ZNF90: variants seen among roughly 807,000 people sequenced by gnomAD.
ZNF90 encodes the protein zinc finger protein HTF9.
In ZNF90, 11 loss-of-function variants were observed where a neutral mutation model predicts 12.0. The ratio of observed to expected loss-of-function variants is 0.92; its 90% CI spans 0.58 to 1.52. ZNF90 has a LOEUF of 1.52. ZNF90 is among the 40% of genes most tolerant of loss of function. The pLI, the probability that ZNF90 is intolerant of heterozygous loss-of-function variation, is 0.00. For missense variants in ZNF90, 765 were observed against 711.5 expected, an observed-to-expected ratio of 1.08 and a Z score of -0.86; for synonymous variants, 232 against 240.1, an observed-to-expected ratio of 0.97 and a Z score of 0.31.
intron 1 of ZNF90, among the ~76,000 whole-genome samples, chr19:20,091,970 T>C (rs1555702775): frequency 1.3e-5 from 2 of 152,120 alleles, no homozygotes; most frequent in African/African-American, 4.8e-5. Context: ...TGAGTGGTGA[T>C]TAGGCCTGGT....
intron 1 of ZNF90, among the ~76,000 whole-genome samples, chr19:20,080,784 G>A (rs2088814509): frequency 6.6e-6 from 1 of 152,240 alleles, no homozygotes; most frequent in Non-Finnish European, 1.5e-5. Flanking sequence ...GTGGGACTGA[G>A]CACTGAAACG....
chr19:20,105,350 C>T, intron 3 of ZNF90, 34 bp downstream of exon 3: 5 of 1,553,170 alleles, frequency 3.2e-6, no homozygotes, highest in Non-Finnish European at 3.5e-6. Context: ...CAACAGACAA[C>T]ACAGATAAGA....
intron 3 of ZNF90, among the ~76,000 whole-genome samples, chr19:20,108,233 G>A (rs990860520): frequency 5.9e-5 from 9 of 152,170 alleles, no homozygotes; most frequent in African/African-American, 1.9e-4. Flanking sequence ...GCCACAGAGT[G>A]CATGCCAATG....
chr19:20,079,035 C>T (rs968895447), intron 1 of ZNF90, among the ~76,000 whole-genome samples: 2 of 149,336 alleles, frequency 1.3e-5, no homozygotes, highest in African/African-American at 5.0e-5. Context: ...CCGAGAATTG[C>T]TTGAACTCGG....
chr19:20,100,959 A>G (rs1251135197), intron 1 of ZNF90, among the ~76,000 whole-genome samples: 2 of 152,134 alleles, frequency 1.3e-5, no homozygotes, highest in African/African-American at 2.4e-5. Context: ...TCGGGAGTGC[A>G]CAACCCCCTT....
intron 1 of ZNF90, among the ~76,000 whole-genome samples, chr19:20,085,523 G>A (rs1423340667): frequency 4.6e-5 from 7 of 151,626 alleles, no homozygotes; most frequent in Non-Finnish European, 8.8e-5. Flanking sequence ...GCCTCCCAAA[G>A]TGCTGGGATT....
chr19:20,118,329 T>C lies in ZNF90; in HGVS notation c.775T>C (p.Cys259Arg), dbSNP rs1263322563. 3.9e-6 allele frequency: 6 copies of C among 1,558,068 alleles called. No individual in the cohort carries two copies. Among genetic ancestry groups the C allele is most frequent in the Admixed American group, 1.9e-5 (1 of 51,408 alleles). The change falls in exon 4 of 4, where the codon TGT becomes CGT. Residue 259 changes from cysteine (C) to arginine (R), a missense_variant. Physicochemically the swap from Cys to Arg is radical, Grantham distance 180. Transcript: ENST00000418063. ...RIHTGEKRYKCEDCGKELKYS... is the reference protein window; with the variant it reads ...RIHTGEKRYKREDCGKELKYS... ...TCATACTGGAGAGAAACGGTACAAA[T>C]GTGAAGATTGTGGCAAAGAATTAAA...
Position 20,119,912 on chromosome 19 carries a change from T to C in ZNF90, c.*552T>C, listed in dbSNP as rs2089181609. 6.6e-6 allele frequency among the ~76,000 whole-genome samples: 1 copy of C among 152,162 alleles called. No homozygotes were observed. The highest frequency in any genetic ancestry group is 2.4e-5 in the African/African-American group (1 of 41,448). On this transcript the variant is annotated 3_prime_UTR_variant, in exon 4 of 4. Coordinates refer to ENST00000418063, the MANE Select transcript of ZNF90 (RefSeq NM_007138.2). ...AGTTCTCAGTTCTTAAGAGACATGG[T>C]GATAATTCATGCTGAAGAGGAACTT...
At position 20,078,070 on chromosome 19, in the gene ZNF90, T is replaced by G; in HGVS notation, c.-63T>G. 8 of 1,611,782 alleles carry G rather than the reference T, an allele frequency of 5.0e-6. No homozygotes were observed. Among genetic ancestry groups the G allele is most frequent in the Non-Finnish European group, 6.8e-6 (8 of 1,177,840 alleles). ...GCTTCGTGTCTTCTTCTCCAGCCTC[T>G]GTGGCCCTGTGACCTGCAGGTATTG... On this transcript the variant is annotated 5_prime_UTR_variant, in exon 1 of 4. Coordinates refer to ENST00000418063, the MANE Select transcript of ZNF90 (RefSeq NM_007138.2).
chr19:20,105,334 T>C lies in ZNF90; in HGVS notation c.226+18T>C. 1 of 1,589,980 alleles carries C rather than the reference T, an allele frequency of 6.3e-7. No homozygotes were observed. The highest frequency in any genetic ancestry group is 8.6e-7 in the Non-Finnish European group (1 of 1,165,594). On this transcript the variant is annotated intron_variant, in intron 3 of 3. Coordinates refer to ENST00000418063, the MANE Select transcript of ZNF90 (RefSeq NM_007138.2). ...ATCCCCAGGTAGGTGCGAGTGAAAA[T>C]GAATACAACAGACAACACAGATAAG...
At chr19:20,098,063 T>C (rs1568286216) in intron 1 of ZNF90, among the ~76,000 whole-genome samples, 1 of 152,192 alleles carries the variant, frequency 6.6e-6, no homozygotes, top group Non-Finnish European at 1.5e-5. Context: ...TCCATAAACT[T>C]GACCCAAATA....
chr19:20,087,775 GAA>G (rs1350229661), intron 1 of ZNF90, among the ~76,000 whole-genome samples: 1 of 152,196 alleles, frequency 6.6e-6, no homozygotes. Flanking sequence ...GGCTGAGTCC[GAA>G]AAGAGAGTCA....
chr19:20,106,482 T>G (rs2089039414), intron 3 of ZNF90, among the ~76,000 whole-genome samples: 1 of 152,034 alleles, frequency 6.6e-6, no homozygotes, highest in East Asian at 1.9e-4. Flanking sequence ...TGAGACGGAG[T>G]CTTGCTCTGT....
chr19:20,089,890 G>A (rs910011802), intron 1 of ZNF90, among the ~76,000 whole-genome samples: 26 of 152,136 alleles, frequency 1.7e-4, no homozygotes, highest in African/African-American at 5.3e-4. Context: ...GATTAGAAGC[G>A]GCTAGGAGAG....
intron 1 of ZNF90, among the ~76,000 whole-genome samples, chr19:20,082,188 C>T (rs2088825420): frequency 6.6e-6 from 1 of 152,052 alleles, no homozygotes; most frequent in Non-Finnish European, 1.5e-5. Flanking sequence ...CGTATAGCAC[C>T]AAACATGTCT....
At position 20,081,878 on chromosome 19, in the gene ZNF90, C is replaced by T. The variant is rs574289088; in HGVS notation, c.3+3743C>T. 2.1e-4 allele frequency among the ~76,000 whole-genome samples: 32 copies of T among 151,982 alleles called. No homozygotes were observed. In the South Asian group the frequency reaches 6.4e-3, roughly 31 times the overall value. On this transcript the variant is annotated intron_variant, in intron 1 of 3. Coordinates refer to ENST00000418063, the MANE Select transcript of ZNF90 (RefSeq NM_007138.2). ...CTCCCAGGTTCACACTATTCTCCTG[C>T]CTCAGCCTGCTGAGCAGCTGGGACT... is the stretch of plus-strand genomic sequence containing the variant.
intron 1 of ZNF90, among the ~76,000 whole-genome samples, chr19:20,100,781 A>G (rs2088983237): frequency 1.3e-5 from 2 of 152,200 alleles, no homozygotes; most frequent in Admixed American, 1.3e-4. Context: ...CTGCCTTTAA[A>G]CATGGGACTT....
chr19:20,083,064 C>G (rs1555701704), intron 1 of ZNF90, among the ~76,000 whole-genome samples: 1 of 152,190 alleles, frequency 6.6e-6, no homozygotes, highest in African/African-American at 2.4e-5. Flanking sequence ...GACCCTTCCC[C>G]CGCTATTACC....
rs1430118815 is a variant in ZNF90 at position 20,120,822 on chromosome 19, A to C, written c.*1462A>C. On this transcript the variant is annotated 3_prime_UTR_variant, in exon 4 of 4. Coordinates refer to ENST00000418063, the MANE Select transcript of ZNF90 (RefSeq NM_007138.2). ...GAGAAAAAATTTTTGAAAAGTGAAT[A>C]AGGTAATAGAGCTTTCAAATTTATG... 6 of 152,228 alleles carry C rather than the reference A, an allele frequency of 3.9e-5. No individual in the cohort carries two copies. The highest frequency in any genetic ancestry group is 1.4e-4 in the African/African-American group (6 of 41,462). The allele number at this position is 152,228 out of a possible 1,614,324, so 9.4% of individuals were successfully genotyped here.
Sources: allele counts gnomAD v4.1 joint callset (sites outside exome capture counted in the v4.1 genomes callset), GRCh38; gene constraint gnomAD v4.1.1; transcripts MANE v1.5; gene names NCBI Gene and HGNC (gene_info 2026-07-23, HGNC 2026-07-21).